The following SUGCT variants were observed in gnomAD, a reference collection of about 807,000 sequenced individuals.
SUGCT encodes succinyl-CoA:glutarate-CoA transferase, also known as succinyl-CoA:glutarate CoA-transferase.
Under a neutral mutation model 55.0 loss-of-function variants are expected in SUGCT, and 41 were observed. The observed-to-expected ratio is 0.74, with a 90% CI of 0.58 to 0.97. SUGCT has a LOEUF of 0.97. Among genes scored for constraint, SUGCT ranks in the 50% least tolerant of loss-of-function variants. SUGCT has a pLI of 0.00. For synonymous variants in SUGCT, 187 were observed against 200.4 expected (o/e 0.93, Z 0.56); for missense variants, 568 against 547.8 (o/e 1.04, Z -0.37).
chr7:40,932,985 C>T, the SUGCT span, among the ~76,000 whole-genome samples: 12 of 152,120 alleles, frequency 7.9e-5, no homozygotes, highest in African/African-American at 2.9e-4. Context: ...ATGATGTTCG[C>T]TGGTTATTTT....
the SUGCT span, among the ~76,000 whole-genome samples, chr7:41,018,485 A>G: frequency 6.6e-6 from 1 of 152,252 alleles, no homozygotes; most frequent in Admixed American, 6.5e-5. Flanking sequence ...CTTCACCTGC[A>G]GAAGATTCAA....
chr7:40,855,345 C>T (rs1467767107), intron 13 of SUGCT, among the ~76,000 whole-genome samples: 1 of 150,504 alleles, frequency 6.6e-6, no homozygotes. Flanking sequence ...TCCTGGGGTT[C>T]TTGTCTGCTT....
At chr7:40,623,558 TAATA>T (rs1799374674) in intron 12 of SUGCT, among the ~76,000 whole-genome samples, 1 of 152,218 alleles carries the variant, frequency 6.6e-6, no homozygotes, top group Non-Finnish European at 1.5e-5. Flanking sequence ...ATTATTAAGT[TAATA>T]AATTTTATTA....
At chr7:40,868,511 C>G in the SUGCT span, among the ~76,000 whole-genome samples, 1 of 152,160 alleles carries the variant, frequency 6.6e-6, no homozygotes, top group Non-Finnish European at 1.5e-5. Context: ...TTTATGGCTG[C>G]ATAGTATTCC....
chr7:40,354,482 A>C (rs188870522), intron 9 of SUGCT, among the ~76,000 whole-genome samples: 1 of 152,220 alleles, frequency 6.6e-6, no homozygotes, highest in Admixed American at 6.5e-5. Flanking sequence ...GCTTCTTGAG[A>C]TACAGTGCCC....
the SUGCT span, among the ~76,000 whole-genome samples, chr7:40,970,672 T>C: frequency 1.3e-5 from 2 of 152,322 alleles, no homozygotes; most frequent in East Asian, 1.9e-4. Context: ...GAATATGATG[T>C]AACTGAGACT....
chr7:40,465,627 T>C (rs1004763872), intron 11 of SUGCT, among the ~76,000 whole-genome samples: 6 of 151,666 alleles, frequency 4.0e-5, no homozygotes, highest in Admixed American at 3.3e-4. Context: ...AAAAAAAAAG[T>C]TTATTAGTTA....
At chr7:40,152,036 C>T (rs563106668) in intron 1 of SUGCT, among the ~76,000 whole-genome samples, 528 of 152,152 alleles carry the variant, frequency 3.5e-3, no homozygotes, top group Non-Finnish European at 5.3e-3. Context: ...CCAGCTGGTG[C>T]ATCAGAACGC....
intron 9 of SUGCT, among the ~76,000 whole-genome samples, chr7:40,441,124 G>A (rs1264930164): frequency 6.6e-6 from 1 of 152,130 alleles, no homozygotes; most frequent in African/African-American, 2.4e-5. Context: ...CTAGCACATA[G>A]TGAGTTATAT....
At chr7:40,592,202 A>G (rs1026754042) in intron 12 of SUGCT, among the ~76,000 whole-genome samples, 3 of 152,184 alleles carry the variant, frequency 2.0e-5, no homozygotes, top group African/African-American at 4.8e-5. Context: ...ACCCTCAGGA[A>G]TTGCTAATCA....
the SUGCT span, among the ~76,000 whole-genome samples, chr7:40,922,737 G>A: frequency 3.3e-5 from 5 of 152,184 alleles, no homozygotes; most frequent in Non-Finnish European, 5.9e-5. Flanking sequence ...GCCTCGAGTT[G>A]GAGTTAGTAA....
At chr7:40,444,760 G>A (rs1788717408) in intron 9 of SUGCT, among the ~76,000 whole-genome samples, 1 of 152,080 alleles carries the variant, frequency 6.6e-6, no homozygotes. Flanking sequence ...CCAACACTAT[G>A]TTGAATAGGA....
intron 6 of SUGCT, among the ~76,000 whole-genome samples, chr7:40,198,851 G>C (rs1190394357): frequency 6.6e-6 from 1 of 152,114 alleles, no homozygotes; most frequent in African/African-American, 2.4e-5. Context: ...ACAAAAATTA[G>C]CTGGGTATGG....
intron 12 of SUGCT, among the ~76,000 whole-genome samples, chr7:40,626,210 T>C (rs1258673902): frequency 1.3e-5 from 2 of 152,080 alleles, no homozygotes; most frequent in Non-Finnish European, 2.9e-5. Context: ...CCAGACTCTG[T>C]GTTATTTTCC....
At chr7:40,970,535 G>C in the SUGCT span, among the ~76,000 whole-genome samples, 1 of 152,194 alleles carries the variant, frequency 6.6e-6, no homozygotes, top group African/African-American at 2.4e-5. Context: ...TGGGTGCCAA[G>C]TATAGGACTA....
At chr7:40,233,909 A>G (rs1294483404) in intron 6 of SUGCT, among the ~76,000 whole-genome samples, 1 of 152,230 alleles carries the variant, frequency 6.6e-6, no homozygotes, top group African/African-American at 2.4e-5. Flanking sequence ...TGGCAGAACT[A>G]TAATTTGAAT....
At chr7:41,012,776 T>A in the SUGCT span, among the ~76,000 whole-genome samples, 1 of 151,026 alleles carries the variant, frequency 6.6e-6, no homozygotes, top group South Asian at 2.1e-4. Context: ...AAAAAAAAAA[T>A]TAAAATGAAG....
chr7:40,526,105 T>G (rs945292095), intron 12 of SUGCT, among the ~76,000 whole-genome samples: 1 of 152,210 alleles, frequency 6.6e-6, no homozygotes, highest in African/African-American at 2.4e-5. Flanking sequence ...TTTAAAGGTA[T>G]GCAAAAATCC....
Position 40,564,397 on chromosome 7 carries a change from A to C in SUGCT, c.1089+68011A>C, listed in dbSNP as rs564801137. The stretch of plus-strand genomic sequence containing the variant: ...GAGACTCCGTCTCAAAAAAATAAAT[A>C]AATAAAATAAAATAAATGCAACATC... On this transcript the variant is annotated intron_variant, in intron 12 of 13. Coordinates refer to ENST00000335693, the MANE Select transcript of SUGCT (RefSeq NM_001193313.2). 1.6e-4 allele frequency among the ~76,000 whole-genome samples: 25 copies of C among 152,322 alleles called. No individual in the cohort carries two copies. In the East Asian group the frequency reaches 4.4e-3, roughly 27 times the overall value.
Sources: allele counts gnomAD v4.1 joint callset (sites outside exome capture counted in the v4.1 genomes callset), GRCh38; gene constraint gnomAD v4.1.1; transcripts MANE v1.5; gene names NCBI Gene and HGNC (gene_info 2026-07-23, HGNC 2026-07-21).